The following PTPRD variants were observed in gnomAD, a reference collection of about 807,000 sequenced individuals.
PTPRD encodes protein tyrosine phosphatase receptor type D.
PTPRD carries 34 observed loss-of-function variants against 214.5 expected under a neutral mutation model. That is an observed-to-expected ratio of 0.16 (90% CI 0.12 to 0.21). The LOEUF is 0.21. Ranked by LOEUF, PTPRD falls within the 10% of genes least tolerant of loss-of-function variation. PTPRD has a pLI of 1.00. For synonymous variants in PTPRD, 1,128 were observed against 845.7 expected, an observed-to-expected ratio of 1.33 and a Z score of -5.79; for missense variants, 2,545 against 2,398.7, an observed-to-expected ratio of 1.06 and a Z score of -1.27.
intron 9 of PTPRD, among the ~76,000 whole-genome samples, chr9:9,381,024 T>A (rs2062063665): frequency 6.6e-6 from 1 of 152,140 alleles, no homozygotes; most frequent in South Asian, 2.1e-4. Context: ...TTGCTTAGTG[T>A]TAGTATGGCA....
intron 3 of PTPRD, among the ~76,000 whole-genome samples, chr9:10,119,517 G>C (rs2098758031): frequency 6.6e-6 from 1 of 151,810 alleles, no homozygotes; most frequent in Non-Finnish European, 1.5e-5. Flanking sequence ...ATGTGTAAAA[G>C]GATAATTTTT....
chr9:9,615,476 T>C (rs188056044), intron 7 of PTPRD, among the ~76,000 whole-genome samples: 1 of 152,228 alleles, frequency 6.6e-6, no homozygotes, highest in Admixed American at 6.5e-5. Context: ...CTTCCCTATT[T>C]GTCCTTCCTT....
At chr9:9,749,495 A>G (rs2098493740) in intron 6 of PTPRD, among the ~76,000 whole-genome samples, 2 of 152,190 alleles carry the variant, frequency 1.3e-5, no homozygotes, top group South Asian at 2.1e-4. Flanking sequence ...AGCAGTGATT[A>G]TAATAAAACA....
intron 2 of PTPRD, among the ~76,000 whole-genome samples, chr9:10,439,097 G>C (rs994759211): frequency 6.6e-6 from 1 of 151,812 alleles, no homozygotes; most frequent in East Asian, 1.9e-4. Flanking sequence ...TTGCCACTGA[G>C]AATTCCTCTG....
At chr9:8,503,547 T>C (rs536511585) in intron 23 of PTPRD, among the ~76,000 whole-genome samples, 1 of 152,226 alleles carries the variant, frequency 6.6e-6, no homozygotes, top group Non-Finnish European at 1.5e-5. Flanking sequence ...TAATACTTTA[T>C]GCAAAACAAT....
At chr9:10,332,776 AGTCT>A (rs2096774963) in intron 3 of PTPRD, among the ~76,000 whole-genome samples, 1 of 151,748 alleles carries the variant, frequency 6.6e-6, no homozygotes. Flanking sequence ...CCGGTGAAAG[AGTCT>A]GTCTTTTTAA....
intron 11 of PTPRD, among the ~76,000 whole-genome samples, chr9:8,746,766 G>A (rs1352994133): frequency 2.0e-5 from 3 of 152,302 alleles, no homozygotes; most frequent in Non-Finnish European, 1.5e-5. Flanking sequence ...GGCTGAGGCA[G>A]GAGGATCACT....
intron 2 of PTPRD, among the ~76,000 whole-genome samples, chr9:10,417,402 C>A (rs192895938): frequency 6.6e-6 from 1 of 151,754 alleles, no homozygotes; most frequent in Non-Finnish European, 1.5e-5. Context: ...TGAAGAATAT[C>A]TTATCTTTGC....
intron 12 of PTPRD, among the ~76,000 whole-genome samples, chr9:8,727,798 A>G (rs1340348736): frequency 6.6e-6 from 1 of 152,116 alleles, no homozygotes; most frequent in Non-Finnish European, 1.5e-5. Context: ...GACTACAGAT[A>G]TGTGCCACCA....
chr9:10,420,318 C>T (rs180757140), intron 2 of PTPRD, among the ~76,000 whole-genome samples: 3 of 151,962 alleles, frequency 2.0e-5, no homozygotes, highest in African/African-American at 7.2e-5. Flanking sequence ...CCTTTGACAT[C>T]TTTACTAGTC....
intron 11 of PTPRD, among the ~76,000 whole-genome samples, chr9:8,875,598 A>T (rs1159168033): frequency 6.7e-6 from 1 of 148,514 alleles, no homozygotes; most frequent in Non-Finnish European, 1.5e-5. Context: ...ACAAAAGAAT[A>T]TAGCAGAAAC....
At chr9:9,964,739 T>C (rs181001407) in intron 4 of PTPRD, among the ~76,000 whole-genome samples, 22 of 152,330 alleles carry the variant, frequency 1.4e-4, no homozygotes, top group Non-Finnish European at 2.5e-4. Context: ...TTCATTTTTA[T>C]CTCCATTGCT....
intron 10 of PTPRD, among the ~76,000 whole-genome samples, chr9:9,141,554 T>C (rs544328375): frequency 1.3e-4 from 19 of 151,970 alleles, no homozygotes; most frequent in African/African-American, 4.6e-4. Flanking sequence ...ATTCAATACA[T>C]TATACTGTTC....
At chr9:10,583,865 G>C (rs757209187) in intron 2 of PTPRD, among the ~76,000 whole-genome samples, 8 of 152,070 alleles carry the variant, frequency 5.3e-5, no homozygotes, top group Admixed American at 3.3e-4. Context: ...TGTCAGAAGC[G>C]CATTAAATAA....
chr9:10,552,933 G>A lies in PTPRD; in HGVS notation c.-600+59465C>T, dbSNP rs540034795. On this transcript the variant is annotated intron_variant, in intron 2 of 45. Transcript: ENST00000381196. ...TACAATCCAGTTTCTGGAGATTCACGTTGCTTGATATAGTAGTCTTGATGA... is the reference window on the plus strand; with the variant it reads ...TACAATCCAGTTTCTGGAGATTCACATTGCTTGATATAGTAGTCTTGATGA... Among the ~76,000 whole-genome samples, 6 of 152,240 alleles carry A rather than the reference G, an allele frequency of 3.9e-5. No individual in the cohort carries two copies. In the South Asian group the frequency reaches 6.2e-4, roughly 16 times the overall value.
chr9:10,606,228 G>T (rs76676909), intron 2 of PTPRD, among the ~76,000 whole-genome samples: 4,260 of 151,828 alleles, frequency 0.028, 121 homozygotes, highest in East Asian at 0.07. Context: ...TAACCCCAAG[G>T]TGAAAGATTT....
intron 11 of PTPRD, among the ~76,000 whole-genome samples, chr9:8,890,953 T>C (rs1357459577): frequency 6.6e-6 from 1 of 152,078 alleles, no homozygotes; most frequent in Admixed American, 6.5e-5. Flanking sequence ...TCAGCTGCCT[T>C]TTAGGATTAC....
At chr9:9,034,028 C>T (rs979785864) in intron 10 of PTPRD, among the ~76,000 whole-genome samples, 1 of 152,064 alleles carries the variant, frequency 6.6e-6, no homozygotes, top group African/African-American at 2.4e-5. Flanking sequence ...CCAGGAAGCA[C>T]AGTAGAAATA....
chr9:10,529,499 C>G (rs555697602), intron 2 of PTPRD, among the ~76,000 whole-genome samples: 1 of 142,138 alleles, frequency 7.0e-6, no homozygotes, highest in Admixed American at 7.6e-5. Flanking sequence ...TGTTCTCACT[C>G]ATAAGTGGGA....
Sources: gnomAD v4.1 joint callset for allele counts (sites outside exome capture counted in the v4.1 genomes callset) on GRCh38, gnomAD v4.1.1 for gene constraint, MANE v1.5 for transcripts, NCBI Gene and HGNC (gene_info 2026-07-23, HGNC 2026-07-21) for gene names.